Variants in CELF5 observed in about 807,000 individuals in gnomAD.
The protein encoded by CELF5 is CUGBP Elav-like family member 5.
Under a neutral mutation model 54.9 loss-of-function variants are expected in CELF5, and 6 were observed. The observed-to-expected ratio is 0.11, with a 90% CI of 0.06 to 0.22. The LOEUF (loss-of-function observed/expected upper bound fraction) is 0.22. CELF5 is among the 10% of genes least tolerant of loss of function. The probability of loss-of-function intolerance (pLI) is 1.00; values close to 1 mark genes in which losing one functional copy is unlikely to be tolerated. For missense variants in CELF5, 401 were observed against 678.6 expected (o/e 0.59, Z 4.54); for synonymous variants, 271 against 290.9 (o/e 0.93, Z 0.70).
chr19:3,286,049 G>C lies in CELF5; in HGVS notation c.1186+24G>C, dbSNP rs749346163. 4 of 1,534,580 alleles carry C rather than the reference G, an allele frequency of 2.6e-6. No individual in the cohort carries two copies. The African/African-American group carries it at 5.6e-5, about 22-fold the overall frequency. On this transcript the variant is annotated intron_variant, in intron 10 of 12. Transcript: ENST00000292672. ...AGGTGAGGCGGCCGCAACCTCCCCT[G>C]GGCGCCAGCCCCGCCCTCTGCCCGC...
intron 2 of CELF5, among the ~76,000 whole-genome samples, chr19:3,252,879 G>T (rs756428): frequency 1.3e-5 from 2 of 151,616 alleles, no homozygotes; most frequent in Admixed American, 6.6e-5. Flanking sequence ...AACAGGGCAG[G>T]GTGGGCTAGC....
At position 3,278,533 on chromosome 19, in the gene CELF5, T is replaced by G. The variant is rs1474307982; in HGVS notation, c.603+423T>G. On this transcript the variant is annotated intron_variant, in intron 5 of 12. Transcript: ENST00000292672. This position sits in a 1 kb window ranked among gnomAD's most constrained non-coding sequence, Gnocchi z 4.5. ...ATATGTATGGATAAGTGTGCCATTG[T>G]GTGCTAGTGTAGAGATACTAGTGCG... 6.6e-6 allele frequency among the ~76,000 whole-genome samples: 1 copy of G among 152,056 alleles called. No homozygotes were observed. The highest frequency in any genetic ancestry group is 1.5e-5 in the Non-Finnish European group (1 of 68,018).
At chr19:3,269,145 C>T (rs533126519) in intron 2 of CELF5, among the ~76,000 whole-genome samples, 2 of 152,208 alleles carry the variant, frequency 1.3e-5, no homozygotes, top group Admixed American at 6.5e-5. Context: ...CTTCTCTCCA[C>T]ACCACTTGGA....
chr19:3,266,077 A>C (rs1193619012), intron 2 of CELF5, among the ~76,000 whole-genome samples: 1 of 152,162 alleles, frequency 6.6e-6, no homozygotes, highest in Non-Finnish European at 1.5e-5. Context: ...AAAGTGCTGG[A>C]ATTACAGGCG....
At chr19:3,230,641 CAGGG>C (rs1390136966) in intron 1 of CELF5, among the ~76,000 whole-genome samples, 1 of 152,168 alleles carries the variant, frequency 6.6e-6, no homozygotes, top group Non-Finnish European at 1.5e-5. Flanking sequence ...GAGTTTAGAG[CAGGG>C]AGGAACTCAG....
At chr19:3,255,620 A>G (rs879831784) in intron 2 of CELF5, among the ~76,000 whole-genome samples, 1 of 151,366 alleles carries the variant, frequency 6.6e-6, no homozygotes, top group South Asian at 2.1e-4. Context: ...CTCTGCTTCC[A>G]CCTCTGTGTT....
intron 1 of CELF5, among the ~76,000 whole-genome samples, chr19:3,243,801 C>T (rs1372521818): frequency 6.6e-6 from 1 of 152,076 alleles, no homozygotes; most frequent in Non-Finnish European, 1.5e-5. Context: ...TCCCCTGTAG[C>T]GTTCCTTGTC....
At chr19:3,279,078 A>C (rs558529300) in intron 5 of CELF5, among the ~76,000 whole-genome samples, 1 of 152,278 alleles carries the variant, frequency 6.6e-6, no homozygotes, top group African/African-American at 2.4e-5. Context: ...GGCAGGGTGC[A>C]AGACTAGAGG....
chr19:3,270,187 G>A (rs1177303882), intron 2 of CELF5, among the ~76,000 whole-genome samples: 1 of 152,118 alleles, frequency 6.6e-6, no homozygotes, highest in East Asian at 1.9e-4. Context: ...CTCCCGCTCC[G>A]CCAGGCTGGT....
intron 1 of CELF5, among the ~76,000 whole-genome samples, chr19:3,249,877 C>G (rs1048463775): frequency 6.6e-6 from 1 of 152,208 alleles, no homozygotes; most frequent in Non-Finnish European, 1.5e-5. Flanking sequence ...TTTCTGGGAC[C>G]ACTAGTGCCC....
chr19:3,280,563 G>A (rs554125224), intron 5 of CELF5, among the ~76,000 whole-genome samples: 2 of 152,178 alleles, frequency 1.3e-5, no homozygotes, highest in South Asian at 2.1e-4. Flanking sequence ...CAACAAGAGC[G>A]AAACTCCGTC....
Position 3,282,315 on chromosome 19 carries a change from A to G in CELF5, c.893-37A>G, listed in dbSNP as rs1368290225. 6.2e-7 allele frequency: 1 copy of G among 1,608,526 alleles called. No individual in the cohort carries two copies. Among genetic ancestry groups the G allele is most frequent in the Non-Finnish European group, 8.5e-7 (1 of 1,179,862 alleles). On this transcript the variant is annotated intron_variant, in intron 7 of 12. Coordinates refer to ENST00000292672, the MANE Select transcript of CELF5 (RefSeq NM_021938.4). This position sits in a 1 kb window ranked among gnomAD's most constrained non-coding sequence, Gnocchi z 5.2. ...AGGATGGGTGGGCAGGGCTGGAGCC[A>G]GAACTGGCCTCCCCATGACCCTCTT...
At chr19:3,243,971 GT>G (rs1206573520) in intron 1 of CELF5, among the ~76,000 whole-genome samples, 1 of 151,918 alleles carries the variant, frequency 6.6e-6, no homozygotes, top group Non-Finnish European at 1.5e-5. Flanking sequence ...CAATGACCCC[GT>G]TTCCAAATAA....
chr19:3,254,254 T>C lies in CELF5; in HGVS notation c.342+3187T>C, dbSNP rs113200638. 4.7e-3 allele frequency among the ~76,000 whole-genome samples: 722 copies of C among 152,242 alleles called. 3 individuals carry two copies. The highest frequency in any genetic ancestry group is 0.016 in the African/African-American group (672 of 41,538). On this transcript the variant is annotated intron_variant, in intron 2 of 12. Transcript: ENST00000292672. ...CTCCCTGGGTCAGCCCATAAATTCA[T>C]AGCTTCCATCCATCCATGCACCTTT... is the stretch of plus-strand genomic sequence containing the variant.
At chr19:3,264,536 C>A (rs2079853963) in intron 2 of CELF5, among the ~76,000 whole-genome samples, 1 of 151,778 alleles carries the variant, frequency 6.6e-6, no homozygotes, top group Non-Finnish European at 1.5e-5. Flanking sequence ...CTGCCTCAGC[C>A]TCCCGAGTAG....
Position 3,278,677 on chromosome 19 carries a change from G to GTT in CELF5, c.603+569_603+570dup, listed in dbSNP as rs1369617076. 8.8e-6 allele frequency among the ~76,000 whole-genome samples: 1 copy of GTT among 113,140 alleles called. No individual in the cohort carries two copies. The highest frequency in any genetic ancestry group is 2.1e-5 in the Non-Finnish European group (1 of 46,584). The allele number at this position is 113,140 out of a possible 152,430, so 74.2% of individuals were successfully genotyped here. A position where few individuals can be genotyped will look rare whatever the true frequency, so the allele number is the denominator to read the frequency against. ...CATCTGCAGGTGCATTTGTGGGCAG[G>GTT]TTTGTGTGTGTGTGTGTGTGTGTTT... On this transcript the variant is annotated intron_variant, in intron 5 of 12. Coordinates refer to ENST00000292672, the MANE Select transcript of CELF5 (RefSeq NM_021938.4). The surrounding 1 kb of genome is among the most constrained non-coding windows in gnomAD (Gnocchi z 4.5).
At chr19:3,238,749 T>G (rs2079450957) in intron 1 of CELF5, among the ~76,000 whole-genome samples, 1 of 152,070 alleles carries the variant, frequency 6.6e-6, no homozygotes, top group Non-Finnish European at 1.5e-5. Flanking sequence ...CTGGCCAACA[T>G]GACGAAACCC....
intron 1 of CELF5, among the ~76,000 whole-genome samples, chr19:3,235,452 A>T (rs376103180): frequency 8.6e-6 from 1 of 116,796 alleles, no homozygotes; most frequent in African/African-American, 3.2e-5. Flanking sequence ...CTGCTGTGTC[A>T]CCAGTGCCTA....
intron 12 of CELF5, chr19:3,293,900 C>G (rs1376886772): frequency 1.8e-5 from 3 of 166,166 alleles, no homozygotes; most frequent in Non-Finnish European, 2.6e-5. Context: ...TGCCAAGTGC[C>G]CACCCCAGAC....
Sources: allele counts gnomAD v4.1 joint callset (sites outside exome capture counted in the v4.1 genomes callset), GRCh38; gene constraint gnomAD v4.1.1; non-coding constraint Gnocchi (gnomAD v3.1); transcripts MANE v1.5; gene names NCBI Gene and HGNC (gene_info 2026-07-23, HGNC 2026-07-21).